Variants in WASL observed in about 807,000 individuals in gnomAD.
WASL encodes WASP like actin nucleation promoting factor.
WASL carries 20 observed loss-of-function variants against 55.5 expected under a neutral mutation model. The observed-to-expected ratio is 0.36, with a 90% CI of 0.25 to 0.52. WASL has a LOEUF of 0.52. Ranked by LOEUF, WASL falls within the 20% of genes least tolerant of loss-of-function variation. WASL has a pLI of 0.92. For missense variants in WASL, 504 were observed against 622.5 expected, an observed-to-expected ratio of 0.81 and a Z score of 2.03; for synonymous variants, 249 against 217.6, an observed-to-expected ratio of 1.14 and a Z score of -1.27.
In WASL at chr7:123,748,838, G is replaced by T; in HGVS notation, c.-104C>A. 1.0e-6 allele frequency: 1 copy of T among 958,048 alleles called. No individual in the cohort carries two copies. The highest frequency in any genetic ancestry group is 1.5e-6 in the Non-Finnish European group (1 of 668,296). The allele number at this position is 958,048 out of a possible 1,614,324, so 59.3% of individuals were successfully genotyped here. A position where few individuals can be genotyped will look rare whatever the true frequency, so the allele number is the denominator to read the frequency against. ...AGGGGCGGGGAGAAGTGGAGTCAGA[G>T]GCGCCACATCTCGCAGCTCCTCCGG... On this transcript the variant is annotated 5_prime_UTR_variant, in exon 1 of 11. Transcript: ENST00000223023.
chr7:123,686,571 ATAC>A (rs1377651592), intron 10 of WASL, among the ~76,000 whole-genome samples: 2 of 152,272 alleles, frequency 1.3e-5, no homozygotes, highest in South Asian at 2.1e-4. Context: ...TGACTATTAC[ATAC>A]TATTAAAAAA....
intron 1 of WASL, among the ~76,000 whole-genome samples, chr7:123,710,908 A>G (rs760937689): frequency 6.6e-5 from 10 of 152,218 alleles, no homozygotes; most frequent in African/African-American, 2.2e-4. Flanking sequence ...TGCGTCTTGC[A>G]TACACTATCT....
chr7:123,715,660 T>TA (rs1325402485), intron 1 of WASL, among the ~76,000 whole-genome samples: 1 of 152,154 alleles, frequency 6.6e-6, no homozygotes, highest in Non-Finnish European at 1.5e-5. Context: ...TGGAACCATT[T>TA]AAAAAATCAC....
chr7:123,722,702 C>T (rs905426605), intron 1 of WASL, among the ~76,000 whole-genome samples: 4 of 151,952 alleles, frequency 2.6e-5, no homozygotes, highest in African/African-American at 9.7e-5. Context: ...TGACTGCAAT[C>T]CCAGAGGTAT....
chr7:123,730,168 T>C (rs995873862), intron 1 of WASL, among the ~76,000 whole-genome samples: 6 of 152,100 alleles, frequency 3.9e-5, no homozygotes, highest in Admixed American at 1.3e-4. Context: ...CAACTGAAAA[T>C]TGAAGAAATT....
rs1230421159 is a variant in WASL at position 123,748,814 on chromosome 7, G to C, written c.-80C>G. ...GAGCTCGTTCCCCCTCTCGGTGACA[G>C]GGGCGGGGAGAAGTGGAGTCAGAGG... On this transcript the variant is annotated 5_prime_UTR_variant, in exon 1 of 11. Coordinates refer to ENST00000223023, the MANE Select transcript of WASL (RefSeq NM_003941.4). 6.4e-6 allele frequency: 8 copies of C among 1,244,988 alleles called. No individual in the cohort carries two copies. The Admixed American group carries it at 2.1e-4, about 32-fold the overall frequency. The allele number at this position is 1,244,988 out of a possible 1,614,324, so 77.1% of individuals were successfully genotyped here.
At chr7:123,738,504 T>C (rs900000458) in intron 1 of WASL, among the ~76,000 whole-genome samples, 16 of 152,222 alleles carry the variant, frequency 1.1e-4, no homozygotes, top group African/African-American at 3.4e-4. Context: ...TCCTACTATC[T>C]AGCCATTTAT....
chr7:123,731,101 A>C (rs1023526052), intron 1 of WASL, among the ~76,000 whole-genome samples: 2 of 152,216 alleles, frequency 1.3e-5, no homozygotes, highest in African/African-American at 4.8e-5. Flanking sequence ...TAACTGAAAG[A>C]AAGCTGGAGC....
chr7:123,690,228 T>C (rs957291270), intron 9 of WASL, among the ~76,000 whole-genome samples: 4 of 152,198 alleles, frequency 2.6e-5, no homozygotes, highest in Non-Finnish European at 2.9e-5. Flanking sequence ...GAAGTGAGCA[T>C]ACTCTCATCA....
chr7:123,737,852 C>G (rs1333156906), intron 1 of WASL, among the ~76,000 whole-genome samples: 1 of 152,106 alleles, frequency 6.6e-6, no homozygotes, highest in African/African-American at 2.4e-5. Flanking sequence ...TTCCACTTAA[C>G]TACAAAAAAT....
chr7:123,694,145 T>C (rs1416466106), intron 8 of WASL, among the ~76,000 whole-genome samples: 2 of 152,170 alleles, frequency 1.3e-5, no homozygotes, highest in South Asian at 2.1e-4. Flanking sequence ...TGACTGTTAA[T>C]TGGAAAATTT....
chr7:123,707,316 T>C (rs925039529), intron 2 of WASL, among the ~76,000 whole-genome samples: 16 of 152,198 alleles, frequency 1.1e-4, no homozygotes, highest in Non-Finnish European at 2.2e-4. Context: ...TTCCTTGTAC[T>C]GCTAATTAAC....
chr7:123,728,744 G>A (rs1407476266), intron 1 of WASL, among the ~76,000 whole-genome samples: 2 of 152,142 alleles, frequency 1.3e-5, no homozygotes, highest in Admixed American at 6.5e-5. Context: ...GCTGAGGCAG[G>A]AGAATCGCTT....
intron 1 of WASL, among the ~76,000 whole-genome samples, chr7:123,721,245 C>T (rs1221784834): frequency 6.6e-6 from 1 of 152,112 alleles, no homozygotes; most frequent in Non-Finnish European, 1.5e-5. Flanking sequence ...ATTCAATGAT[C>T]TAATAAGCAT....
chr7:123,690,560 T>G (rs1022595351), intron 9 of WASL, among the ~76,000 whole-genome samples: 5 of 152,018 alleles, frequency 3.3e-5, no homozygotes, highest in Non-Finnish European at 7.4e-5. Flanking sequence ...AGTGATTATT[T>G]AGGATAAAAA....
chr7:123,739,348 C>T (rs974032882), intron 1 of WASL, among the ~76,000 whole-genome samples: 4 of 152,214 alleles, frequency 2.6e-5, no homozygotes, highest in East Asian at 3.8e-4. Flanking sequence ...ATTCTATACA[C>T]ATTTTCTATC....
At position 123,692,335 on chromosome 7, in the gene WASL, A is replaced by C; in HGVS notation, c.1347+12T>G. ...AAAGGATCTAAAATGAAAAAAAAAA[A>C]AGCTTACTTACAGATTTTAGTTGGA... On this transcript the variant is annotated intron_variant, in intron 9 of 10. Coordinates refer to ENST00000223023, the MANE Select transcript of WASL (RefSeq NM_003941.4). The C allele has an allele frequency of 6.3e-7, 1 of 1,585,600 alleles. No homozygotes were observed. Among genetic ancestry groups the C allele is most frequent in the Non-Finnish European group, 8.5e-7 (1 of 1,173,530 alleles).
intron 1 of WASL, among the ~76,000 whole-genome samples, chr7:123,740,942 G>A (rs1261457914): frequency 6.6e-6 from 1 of 152,204 alleles, no homozygotes; most frequent in African/African-American, 2.4e-5. Context: ...CACTGTCTGT[G>A]TGGAGTTTGC....
At chr7:123,745,237 C>T (rs1296265601) in intron 1 of WASL, among the ~76,000 whole-genome samples, 2 of 152,080 alleles carry the variant, frequency 1.3e-5, no homozygotes, top group Non-Finnish European at 2.9e-5. Context: ...TTCAGGCCCT[C>T]ATCATATTTC....
Sources: allele counts gnomAD v4.1 joint callset (sites outside exome capture counted in the v4.1 genomes callset), GRCh38; gene constraint gnomAD v4.1.1; transcripts MANE v1.5; gene names NCBI Gene and HGNC (gene_info 2026-07-23, HGNC 2026-07-21).